Variants in PITPNM3 observed in about 807,000 individuals in gnomAD.
The protein encoded by PITPNM3 is membrane-associated phosphatidylinositol transfer protein 3.
In PITPNM3, 26 loss-of-function variants were observed where a neutral mutation model predicts 102.0. The observed-to-expected ratio is 0.25, with a 90% CI of 0.19 to 0.35. The LOEUF is 0.35. Among genes scored for constraint, PITPNM3 ranks in the 10% least tolerant of loss-of-function variants. PITPNM3 has a pLI of 1.00. For synonymous variants in PITPNM3, 578 were observed against 558.6 expected (o/e 1.03, Z -0.49); for missense variants, 1,083 against 1,346.1 (o/e 0.80, Z 3.06).
intron 3 of PITPNM3, among the ~76,000 whole-genome samples, chr17:6,507,566 G>A (rs2090069): frequency 0.53 from 80,598 of 150,812 alleles, 22,899 homozygotes; most frequent in Middle Eastern, 0.77. Flanking sequence ...CCTGGGCAAC[G>A]GAGTGAGACT....
chr17:6,547,801 T>C (rs896479367), intron 1 of PITPNM3, among the ~76,000 whole-genome samples: 1 of 151,874 alleles, frequency 6.6e-6, no homozygotes, highest in African/African-American at 2.4e-5. Flanking sequence ...AATGCCACGA[T>C]CTCGGCTCAC....
At chr17:6,532,020 C>T (rs1235489306) in intron 2 of PITPNM3, among the ~76,000 whole-genome samples, 4 of 151,898 alleles carry the variant, frequency 2.6e-5, no homozygotes, top group Non-Finnish European at 2.9e-5. Flanking sequence ...GCAGGAGAAT[C>T]ACTTGAACCT....
Position 6,556,481 on chromosome 17 carries a change from C to T in PITPNM3, c.-75G>A, listed in dbSNP as rs1910621875. The T allele has an allele frequency of 1.9e-6, 2 of 1,033,814 alleles. 1 individual carries two copies. Among genetic ancestry groups the T allele is most frequent in the South Asian group, 9.0e-5 (2 of 22,340 alleles). The allele number at this position is 1,033,814 out of a possible 1,614,324, so 64.0% of individuals were successfully genotyped here. ...CGGGCCCGGCCCCGACCGCCTCCGG[C>T]CCCGAACGGACTCCGAGCGCCGCGC... On this transcript the variant is annotated 5_prime_UTR_variant, in exon 1 of 20. Transcript: ENST00000262483. This position sits in a 1 kb window ranked among gnomAD's most constrained non-coding sequence, Gnocchi z 5.2.
intron 3 of PITPNM3, among the ~76,000 whole-genome samples, chr17:6,508,850 T>C (rs954713588): frequency 2.0e-5 from 3 of 152,094 alleles, no homozygotes. Context: ...AGCTCCATCT[T>C]CCCTGGAAAC....
chr17:6,498,312 T>C (rs1199439489), intron 4 of PITPNM3, among the ~76,000 whole-genome samples: 2 of 152,206 alleles, frequency 1.3e-5, no homozygotes, highest in African/African-American at 4.8e-5. Flanking sequence ...ACAAGAAAAC[T>C]GTGCTTAGAG....
rs754480101 is a variant in PITPNM3, at chr17:6,463,898, T to C, written c.2157-17A>G. 1.9e-6 allele frequency: 3 copies of C among 1,613,580 alleles called. No homozygotes were observed. The South Asian group carries it at 3.3e-5, about 18-fold the overall frequency. On this transcript the variant is annotated splice_polypyrimidine_tract_variant and intron_variant, in intron 16 of 19. Transcript: ENST00000262483. Reference sequence around the variant, plus strand: ...TGGTCGCCCCTGAAAGAAACCTGCCTGTGGTCAGCCGTGAGGTCAGGGTCA... The same window carrying C: ...TGGTCGCCCCTGAAAGAAACCTGCCCGTGGTCAGCCGTGAGGTCAGGGTCA...
intron 18 of PITPNM3, chr17:6,461,046 C>T (rs1257981726): frequency 7.4e-6 from 3 of 407,412 alleles, no homozygotes; most frequent in Non-Finnish European, 1.4e-5. Flanking sequence ...CTGTGCAGCC[C>T]CAACAAGCAC....
chr17:6,503,619 G>A (rs750045757), intron 3 of PITPNM3, 45 bp from the exon 4 acceptor site: 7 of 1,587,156 alleles, frequency 4.4e-6, no homozygotes, highest in Non-Finnish European at 6.0e-6. Context: ...TGACACTGTT[G>A]CCAGGCACTG....
chr17:6,546,404 G>A (rs915360480), intron 1 of PITPNM3, among the ~76,000 whole-genome samples: 4 of 152,242 alleles, frequency 2.6e-5, no homozygotes, highest in Admixed American at 2.6e-4. Flanking sequence ...TAAAGACTGA[G>A]GCTGACTTCA....
intron 2 of PITPNM3, among the ~76,000 whole-genome samples, chr17:6,529,243 C>G (rs1417888196): frequency 6.6e-6 from 1 of 152,152 alleles, no homozygotes. Context: ...TAAGGAAAGC[C>G]TTTCTTCCTA....
intron 4 of PITPNM3, among the ~76,000 whole-genome samples, chr17:6,495,898 G>T (rs1321022406): frequency 6.6e-6 from 1 of 152,186 alleles, no homozygotes; most frequent in Non-Finnish European, 1.5e-5. Flanking sequence ...GTCTCTCTTT[G>T]CCCCTCCAGA....
chr17:6,459,542 C>G lies in PITPNM3; in HGVS notation c.2491-1820G>C, dbSNP rs1318002912. On this transcript the variant is annotated intron_variant, in intron 18 of 19. Coordinates refer to ENST00000262483, the MANE Select transcript of PITPNM3 (RefSeq NM_031220.4). The surrounding 1 kb of genome is among the most constrained non-coding windows in gnomAD (Gnocchi z 5.0). ...AGAACTACCCTAAGCCATATCAGGT[C>G]CCGTGGCTGTATCAGCCTTGACATG... Among the ~76,000 whole-genome samples, 1 of 152,186 alleles carries G rather than the reference C, an allele frequency of 6.6e-6. No individual in the cohort carries two copies. Among genetic ancestry groups the G allele is most frequent in the African/African-American group, 2.4e-5 (1 of 41,450 alleles).
chr17:6,474,204 A>G (rs1251988233), intron 10 of PITPNM3, among the ~76,000 whole-genome samples: 6 of 151,908 alleles, frequency 3.9e-5, no homozygotes, highest in East Asian at 1.9e-4. Flanking sequence ...GGCACTTGAC[A>G]TGGAGAGTGA....
At position 6,503,697 on chromosome 17, in the gene PITPNM3, A is replaced by G. The variant is rs147522790; in HGVS notation, c.227-123T>C. On this transcript the variant is annotated intron_variant, in intron 3 of 19. Transcript: ENST00000262483. ...TCTAGAGCTTGGGATGGGCAGAAGTATCTCCTACCACTTCATGCCCTGCTC... is the reference window on the plus strand; with the variant it reads ...TCTAGAGCTTGGGATGGGCAGAAGTGTCTCCTACCACTTCATGCCCTGCTC... The G allele has an allele frequency of 1.0e-5, 10 of 962,276 alleles. No homozygotes were observed. The East Asian group carries it at 2.0e-4, about 20-fold the overall frequency. 59.6% of individuals were successfully genotyped at this position (962,276 alleles called of 1,614,324 possible).
rs1905036747 is a variant in PITPNM3 at position 6,470,911 on chromosome 17, A to G, written c.1624+250T>C. On this transcript the variant is annotated intron_variant, in intron 12 of 19. Coordinates refer to ENST00000262483, the MANE Select transcript of PITPNM3 (RefSeq NM_031220.4). The surrounding 1 kb of genome is among the most constrained non-coding windows in gnomAD (Gnocchi z 4.8). ...AGGGTCAGAGTTCAGGGCTCTGTCC[A>G]GGGTCAGAGGTCAAGGTTCCTCCAA... Among the ~76,000 whole-genome samples the G allele has an allele frequency of 6.6e-6, 1 of 152,050 alleles. No individual in the cohort carries two copies. Among genetic ancestry groups the G allele is most frequent in the Non-Finnish European group, 1.5e-5 (1 of 67,974 alleles).
Position 6,524,962 on chromosome 17 carries a change from C to T in PITPNM3, c.226+394G>A, listed in dbSNP as rs117029276. On this transcript the variant is annotated intron_variant, in intron 3 of 19. Coordinates refer to ENST00000262483, the MANE Select transcript of PITPNM3 (RefSeq NM_031220.4). Reference sequence around the variant, plus strand: ...AATCCTGATTCTCACTGCTGTCCTTCTCTCTCCCCTTAGACCTCAGCTCCT... The same window carrying T: ...AATCCTGATTCTCACTGCTGTCCTTTTCTCTCCCCTTAGACCTCAGCTCCT... Among the ~76,000 whole-genome samples, 588 of 152,228 alleles carry T rather than the reference C, an allele frequency of 3.9e-3. 1 individual carries two copies. The highest frequency in any genetic ancestry group is 5.0e-3 in the Non-Finnish European group (342 of 67,970).
Position 6,468,103 on chromosome 17 carries a change from G to T in PITPNM3, c.1890+122C>A, listed in dbSNP as rs1386198650. On this transcript the variant is annotated intron_variant, in intron 14 of 19. Transcript: ENST00000262483. The surrounding 1 kb of genome is among the most constrained non-coding windows in gnomAD (Gnocchi z 5.2). ...CTGAGTGTGAGCCCCAGCCTGTTTG[G>T]GTGCTGAGCTCTGAGGACAAATTGA... 7.5e-6 allele frequency: 7 copies of T among 928,024 alleles called. No individual in the cohort carries two copies. The South Asian group carries it at 8.3e-5, about 11-fold the overall frequency. 57.5% of individuals were successfully genotyped at this position (928,024 alleles called of 1,614,324 possible).
At chr17:6,546,770 G>A (rs1910042004) in intron 1 of PITPNM3, among the ~76,000 whole-genome samples, 2 of 152,150 alleles carry the variant, frequency 1.3e-5, no homozygotes, top group Admixed American at 6.5e-5. Flanking sequence ...TTTGGGAGGC[G>A]GAGGCAGGTG....
intron 1 of PITPNM3, among the ~76,000 whole-genome samples, chr17:6,551,842 G>C (rs1460985441): frequency 2.6e-5 from 4 of 152,026 alleles, no homozygotes; most frequent in African/African-American, 9.7e-5. Flanking sequence ...CAGAGTAAGG[G>C]GCCCAGGAGA....
Sources: allele counts gnomAD v4.1 joint callset (sites outside exome capture counted in the v4.1 genomes callset), GRCh38; gene constraint gnomAD v4.1.1; non-coding constraint Gnocchi (gnomAD v3.1); transcripts MANE v1.5; gene names NCBI Gene and HGNC (gene_info 2026-07-23, HGNC 2026-07-21).